TTC7B: variants seen among roughly 807,000 people sequenced by gnomAD.
The protein encoded by TTC7B is tetratricopeptide repeat domain 7B, also known as tetratricopeptide repeat protein 7B.
Under a neutral mutation model 106.8 loss-of-function variants are expected in TTC7B, and 28 were observed. That is an observed-to-expected ratio of 0.26 (90% CI 0.19 to 0.36). The LOEUF (loss-of-function observed/expected upper bound fraction) is 0.36. Ranked by LOEUF, TTC7B falls within the 10% of genes least tolerant of loss-of-function variation. The pLI, the probability that TTC7B is intolerant of heterozygous loss-of-function variation, is 1.00. For missense variants in TTC7B, 862 were observed against 1,076.4 expected (o/e 0.80, Z 2.79); for synonymous variants, 405 against 430.6 (o/e 0.94, Z 0.74).
chr14:90,690,904 C>T (rs1286385160), intron 6 of TTC7B, among the ~76,000 whole-genome samples: 1 of 152,150 alleles, frequency 6.6e-6, no homozygotes, highest in African/African-American at 2.4e-5. Context: ...TGGGTAAAGG[C>T]AAATTTTCTT....
chr14:90,809,165 A>G (rs1192589879), intron 1 of TTC7B, among the ~76,000 whole-genome samples: 2 of 152,174 alleles, frequency 1.3e-5, no homozygotes, highest in Non-Finnish European at 2.9e-5. Context: ...CCTCATGGCC[A>G]TAAGATGGCC....
At chr14:90,681,336 A>G (rs1292467097) in intron 7 of TTC7B, among the ~76,000 whole-genome samples, 2 of 152,154 alleles carry the variant, frequency 1.3e-5, no homozygotes, top group Non-Finnish European at 2.9e-5. Context: ...CATGAAATGG[A>G]CGAAGAGAGT....
intron 4 of TTC7B, among the ~76,000 whole-genome samples, chr14:90,735,428 G>A (rs575824836): frequency 1.4e-4 from 22 of 151,778 alleles, no homozygotes; most frequent in Admixed American, 9.8e-4. Flanking sequence ...GATTGCTTAA[G>A]TCCAAGAGCT....
rs201616174 is a variant in TTC7B at position 90,630,831 on chromosome 14, G to GTTTTT, written c.1752-12791_1752-12787dup. On this transcript the variant is annotated intron_variant, in intron 15 of 19. Transcript: ENST00000328459. ...ATCCATCAGAATGTCCTTCTATCTTGTTTTTTGTTTTTTTTTTTTTTGAGA... is the reference window on the plus strand; with the variant it reads ...ATCCATCAGAATGTCCTTCTATCTTGTTTTTTTTTTTGTTTTTTTTTTTTTTGAGA... Among the ~76,000 whole-genome samples, 72 of 141,888 alleles carry GTTTTT rather than the reference G, an allele frequency of 5.1e-4. 1 individual carries two copies. The highest frequency in any genetic ancestry group is 1.7e-3 in the African/African-American group (67 of 39,382). 93.1% of individuals were successfully genotyped at this position (141,888 alleles called of 152,430 possible). A position where few individuals can be genotyped will look rare whatever the true frequency, so the allele number is the denominator to read the frequency against.
At chr14:90,682,337 C>T (rs998959756) in intron 7 of TTC7B, among the ~76,000 whole-genome samples, 21 of 152,214 alleles carry the variant, frequency 1.4e-4, no homozygotes, top group Admixed American at 1.3e-3. Flanking sequence ...AGCTCCACTT[C>T]CTCTACCCTC....
chr14:90,695,397 A>G (rs1887704888), intron 6 of TTC7B, 103 bp downstream of exon 6: 1 of 499,078 alleles, frequency 2.0e-6, no homozygotes, highest in Non-Finnish European at 3.4e-6. Flanking sequence ...TAACACATAT[A>G]TGTCACATAT....
intron 9 of TTC7B, among the ~76,000 whole-genome samples, chr14:90,660,249 G>A (rs565177553): frequency 2.6e-5 from 4 of 151,494 alleles, no homozygotes; most frequent in African/African-American, 2.4e-5. Flanking sequence ...AATTAGCTGG[G>A]TATGGTAGTG....
intron 5 of TTC7B, among the ~76,000 whole-genome samples, chr14:90,717,449 G>A (rs532011687): frequency 1.3e-5 from 2 of 152,222 alleles, no homozygotes; most frequent in Admixed American, 1.3e-4. Flanking sequence ...CTTTATTGGT[G>A]GGCAGGTCTA....
chr14:90,801,527 G>A (rs1259872679), intron 1 of TTC7B, among the ~76,000 whole-genome samples: 1 of 152,174 alleles, frequency 6.6e-6, no homozygotes, highest in Non-Finnish European at 1.5e-5. Flanking sequence ...GCACAATGGA[G>A]CGGAGAGTGG....
At chr14:90,652,721 G>C in intron 13 of TTC7B, 120 bp downstream of exon 13, 1 of 1,151,342 alleles carries the variant, frequency 8.7e-7, no homozygotes, top group South Asian at 1.3e-5. Flanking sequence ...TGCTCAGGAC[G>C]AAAGACTCTC....
intron 19 of TTC7B, among the ~76,000 whole-genome samples, chr14:90,572,934 GC>G (rs891038285): frequency 5.9e-5 from 9 of 152,002 alleles, no homozygotes; most frequent in African/African-American, 2.2e-4. Flanking sequence ...TGGGCCAACT[GC>G]CTCAGCCCAA....
At chr14:90,604,778 T>C (rs1418791327) in intron 17 of TTC7B, among the ~76,000 whole-genome samples, 2 of 152,164 alleles carry the variant, frequency 1.3e-5, no homozygotes, top group Non-Finnish European at 2.9e-5. Flanking sequence ...TACCAACCAG[T>C]GTTCATTTTC....
chr14:90,676,311 T>G (rs1302212484), intron 9 of TTC7B: 1 of 426,176 alleles, frequency 2.3e-6, no homozygotes, highest in South Asian at 6.3e-5. Flanking sequence ...TATGGAACTC[T>G]CATGGTAAAA....
chr14:90,686,989 G>A (rs1231907469), intron 7 of TTC7B, among the ~76,000 whole-genome samples: 2 of 148,138 alleles, frequency 1.4e-5, no homozygotes, highest in East Asian at 3.9e-4. Flanking sequence ...AATCCCAGCT[G>A]CCTATTTTTT....
At position 90,676,608 on chromosome 14, in the gene TTC7B, A is replaced by C; in HGVS notation, c.1067T>G (p.Leu356Arg). Residue 356 changes from leucine (L) to arginine (R), a missense_variant, in exon 9 of 20, where the codon CTC (leucine) becomes CGC (arginine). Transcript: ENST00000328459. ...CACAGATGCACTCTGCAGACTGATG[A>C]GGCGGTCACTCTTGTGTTCAGGTAT... ...SRIPEHKSDR[L>R]ISLQSASVVY... 2 of 1,614,156 alleles carry C rather than the reference A, an allele frequency of 1.2e-6. No homozygotes were observed. Among genetic ancestry groups the C allele is most frequent in the Non-Finnish European group, 1.7e-6 (2 of 1,180,018 alleles).
intron 5 of TTC7B, among the ~76,000 whole-genome samples, chr14:90,713,124 C>T (rs1315992797): frequency 6.6e-6 from 1 of 152,082 alleles, no homozygotes; most frequent in African/African-American, 2.4e-5. Context: ...ACTAAGAATA[C>T]CTTTTTTTTG....
chr14:90,534,600 G>A lies in TTC7B; in HGVS notation c.*6768C>T, dbSNP rs1889371151. ...TCGGCCTTGAGAGGTGGTGGGGGAG[G>A]AGCAGGAATGAGAAGGTGGCGATAT... On this transcript the variant is annotated 3_prime_UTR_variant, in exon 20 of 20. Transcript: ENST00000328459. 1.3e-5 allele frequency: 2 copies of A among 152,764 alleles called. No individual in the cohort carries two copies. The highest frequency in any genetic ancestry group is 1.5e-5 in the Non-Finnish European group (1 of 68,436). The allele number at this position is 152,764 out of a possible 1,614,324, so 9.5% of individuals were successfully genotyped here. A position where few individuals can be genotyped will look rare whatever the true frequency, so the allele number is the denominator to read the frequency against.
chr14:90,786,519 G>A (rs1891395363), intron 1 of TTC7B, among the ~76,000 whole-genome samples, 191 bp from the exon 2 acceptor site: 1 of 152,086 alleles, frequency 6.6e-6, no homozygotes, highest in South Asian at 2.1e-4. Context: ...TTTAAAGAAT[G>A]TTCCAGTAGC....
chr14:90,626,562 T>C (rs1222867429), intron 15 of TTC7B, among the ~76,000 whole-genome samples: 2 of 152,164 alleles, frequency 1.3e-5, no homozygotes, highest in African/African-American at 4.8e-5. Context: ...ACCATCCCTC[T>C]CCCATTGTGG....
Sources: allele counts gnomAD v4.1 joint callset (sites outside exome capture counted in the v4.1 genomes callset), GRCh38; gene constraint gnomAD v4.1.1; transcripts MANE v1.5; gene names NCBI Gene and HGNC (gene_info 2026-07-23, HGNC 2026-07-21).